The following RP1 variants were observed in gnomAD, a reference collection of about 807,000 sequenced individuals.
RP1 encodes RP1 axonemal microtubule associated.
In RP1, 16 loss-of-function variants were observed where a neutral mutation model predicts 14.8. The ratio of observed to expected loss-of-function variants is 1.08; its 90% CI spans 0.73 to 1.65. The LOEUF (loss-of-function observed/expected upper bound fraction) is 1.65. RP1 is among the 40% of genes most tolerant of loss of function. RP1 has a pLI of 0.00. For synonymous variants in RP1, 876 were observed against 883.6 expected (o/e 0.99, Z 0.15); for missense variants, 2,631 against 2,535.0 (o/e 1.04, Z -0.81).
At chr8:54,655,265 A>G (rs1806731726) in intron 5 of RP1, among the ~76,000 whole-genome samples, 1 of 152,206 alleles carries the variant, frequency 6.6e-6, no homozygotes, top group South Asian at 2.1e-4. Context: ...ATGCTTATTC[A>G]CTATTTTGTG....
downstream of RP1, among the ~76,000 whole-genome samples, chr8:54,773,618 C>G (rs541015420): frequency 6.6e-6 from 1 of 152,106 alleles, no homozygotes; most frequent in Non-Finnish European, 1.5e-5. Flanking sequence ...GCCTGGGCAA[C>G]AGATCAAGAC....
chr8:54,597,739 G>T (rs1235229173), intron 1 of RP1, among the ~76,000 whole-genome samples: 2 of 152,128 alleles, frequency 1.3e-5, no homozygotes, highest in Non-Finnish European at 2.9e-5. Context: ...CCAGACAAAA[G>T]ACCTCCATAT....
intron 7 of RP1, among the ~76,000 whole-genome samples, chr8:54,671,203 T>C (rs1157590834): frequency 6.6e-6 from 1 of 152,160 alleles, no homozygotes; most frequent in Non-Finnish European, 1.5e-5. Flanking sequence ...AATTTACTCA[T>C]AATTTTATAG....
chr8:54,747,607 T>C (rs944949263), intron 19 of RP1, among the ~76,000 whole-genome samples: 1 of 152,226 alleles, frequency 6.6e-6, no homozygotes, highest in African/African-American at 2.4e-5. Context: ...ATATTTATAA[T>C]ATGTGAAGTA....
At chr8:54,838,422 G>A (rs1218411831) in intron 25 of RP1, among the ~76,000 whole-genome samples, 2 of 152,106 alleles carry the variant, frequency 1.3e-5, no homozygotes, top group African/African-American at 4.8e-5. Context: ...TGTTCGGAAT[G>A]AAATTACTGT....
Position 54,626,907 on chromosome 8 carries a change from G to A in RP1, c.3025G>A (p.Val1009Ile), listed in dbSNP as rs1244568621. The change falls in exon 4 of 4, where the codon GTT becomes ATT. Residue 1009 changes from valine to isoleucine, a missense_variant. Val to Ile is a conservative substitution (Grantham distance 29, BLOSUM62 3). Coordinates refer to ENST00000220676, the MANE Select transcript of RP1 (RefSeq NM_006269.2). ...TGEEDLHETQ[V>I]GSLNDAYLVP... ...TGAAGAAGATCTCCATGAGACACAG[G>A]TTGGATCTCTGAATGATGCTTATTT... The A allele has an allele frequency of 1.2e-6, 2 of 1,613,854 alleles. No homozygotes were observed. Among genetic ancestry groups the A allele is most frequent in the Admixed American group, 3.3e-5 (2 of 60,026 alleles).
intron 6 of RP1, among the ~76,000 whole-genome samples, chr8:54,657,941 C>G (rs1480212477): frequency 6.6e-6 from 1 of 152,178 alleles, no homozygotes; most frequent in Non-Finnish European, 1.5e-5. Context: ...ATTAACCTTA[C>G]TACCTTAAAC....
chr8:54,729,840 A>G (rs1375849623), intron 17 of RP1, among the ~76,000 whole-genome samples: 1 of 152,106 alleles, frequency 6.6e-6, no homozygotes, highest in Non-Finnish European at 1.5e-5. Flanking sequence ...GCTCATCTAT[A>G]TATTATTTCA....
At chr8:54,631,686 A>C (rs1806248811), downstream of RP1, among the ~76,000 whole-genome samples, 1 of 151,328 alleles carries the variant, frequency 6.6e-6, no homozygotes, top group African/African-American at 2.4e-5. Flanking sequence ...TTTTTTTTAA[A>C]GCTGATTCTC....
At chr8:54,617,792 G>T (rs180866150) in intron 1 of RP1, among the ~76,000 whole-genome samples, 34 of 152,308 alleles carry the variant, frequency 2.2e-4, no homozygotes, top group Admixed American at 7.8e-4. Context: ...GACTCTGTAG[G>T]AAATGCACAT....
intron 25 of RP1, among the ~76,000 whole-genome samples, chr8:54,850,397 C>T (rs528127063): frequency 6.6e-6 from 1 of 152,320 alleles, no homozygotes; most frequent in South Asian, 2.1e-4. Flanking sequence ...TATCATTGAG[C>T]TCCCCCAGGA....
intron 24 of RP1, among the ~76,000 whole-genome samples, chr8:54,783,993 C>T (rs138554955): frequency 6.6e-6 from 1 of 152,050 alleles, no homozygotes; most frequent in Non-Finnish European, 1.5e-5. Flanking sequence ...ACTACTAATC[C>T]TATTGTCAAG....
intron 24 of RP1, chr8:54,783,841 G>C: frequency 1.9e-6 from 1 of 524,782 alleles, no homozygotes; most frequent in Middle Eastern, 5.6e-4. Flanking sequence ...GGTGTATGTG[G>C]CATGTTTTAT....
chr8:54,695,468 T>C (rs1259635157), intron 12 of RP1, among the ~76,000 whole-genome samples: 1 of 152,072 alleles, frequency 6.6e-6, no homozygotes, highest in Non-Finnish European at 1.5e-5. Context: ...ATTTTAATTA[T>C]TGAGTTCTTA....
At chr8:54,600,443 G>A (rs1167024071) in intron 1 of RP1, among the ~76,000 whole-genome samples, 8 of 152,160 alleles carry the variant, frequency 5.3e-5, no homozygotes, top group East Asian at 1.9e-4. Context: ...AGAGTGGCGG[G>A]GAGTTGGGGA....
downstream of RP1, among the ~76,000 whole-genome samples, chr8:54,635,730 A>G (rs140943314): frequency 7.6e-3 from 1,164 of 152,194 alleles, 20 homozygotes; most frequent in African/African-American, 0.027. Context: ...CCAAAACCCA[A>G]CACACCCCAC....
chr8:54,811,206 T>A (rs1468954687), intron 24 of RP1, among the ~76,000 whole-genome samples: 1 of 152,204 alleles, frequency 6.6e-6, no homozygotes, highest in Non-Finnish European at 1.5e-5. Flanking sequence ...GCTTTGCAGC[T>A]TTCCTTAGAA....
At chr8:54,669,241 G>A (rs537468780) in intron 7 of RP1, among the ~76,000 whole-genome samples, 7 of 152,252 alleles carry the variant, frequency 4.6e-5, no homozygotes, top group African/African-American at 1.4e-4. Flanking sequence ...CTTATCAAAA[G>A]AAGACATTTA....
intron 19 of RP1, among the ~76,000 whole-genome samples, chr8:54,742,716 T>A (rs1809127194): frequency 6.6e-6 from 1 of 152,136 alleles, no homozygotes; most frequent in Admixed American, 6.5e-5. Context: ...AATCAGAAGC[T>A]CTGTGCCTGT....
Sources: allele counts gnomAD v4.1 joint callset (sites outside exome capture counted in the v4.1 genomes callset), GRCh38; gene constraint gnomAD v4.1.1; transcripts MANE v1.5; gene names NCBI Gene and HGNC (gene_info 2026-07-23, HGNC 2026-07-21).